Variants in PRSS12 observed in about 807,000 individuals in gnomAD.
PRSS12 encodes neurotrypsin.
Under a neutral mutation model 104.4 loss-of-function variants are expected in PRSS12, and 85 were observed. That is an observed-to-expected ratio of 0.81 (90% CI 0.68 to 0.98). The LOEUF is 0.98. Among genes scored for constraint, PRSS12 ranks in the 50% least tolerant of loss-of-function variants. The probability of loss-of-function intolerance (pLI) is 0.00; values close to 1 mark genes in which losing one functional copy is unlikely to be tolerated. For missense variants in PRSS12, 1,141 were observed against 1,139.2 expected (o/e 1.00, Z -0.02); for synonymous variants, 454 against 425.2 (o/e 1.07, Z -0.83).
rs879540796 is a variant in PRSS12 at position 118,352,909 on chromosome 4, C to T, written c.-189G>A. 2.9e-6 allele frequency: 4 copies of T among 1,366,666 alleles called. No homozygotes were observed. The highest frequency in any genetic ancestry group is 3.8e-6 in the Non-Finnish European group (4 of 1,058,744). 84.7% of individuals were successfully genotyped at this position (1,366,666 alleles called of 1,614,324 possible). A position where few individuals can be genotyped will look rare whatever the true frequency, so the allele number is the denominator to read the frequency against. ...CTGGTGCCCTGCCGCGCCTCGGCTC[C>T]TGTCCCCTGGCGGCGGCCGCGGGTG... On this transcript the variant is annotated 5_prime_UTR_variant, in exon 1 of 13. Transcript: ENST00000296498.
At chr4:118,313,541 T>C in intron 6 of PRSS12, 144 bp from the exon 7 acceptor site, 1 of 867,606 alleles carries the variant, frequency 1.2e-6, no homozygotes, top group Non-Finnish European at 1.9e-6. Context: ...GGGGACGCAG[T>C]TTAGAGCTAT....
chr4:118,336,752 C>T (rs1724073902), intron 2 of PRSS12, among the ~76,000 whole-genome samples: 2 of 152,144 alleles, frequency 1.3e-5, no homozygotes, highest in African/African-American at 4.8e-5. Context: ...TTATTCCTTT[C>T]TGATTTTCCG....
chr4:118,337,184 T>C (rs1241939195), intron 2 of PRSS12, among the ~76,000 whole-genome samples: 1 of 152,198 alleles, frequency 6.6e-6, no homozygotes, highest in Non-Finnish European at 1.5e-5. Context: ...ACTTCTTCAT[T>C]TTGTGTCATC....
intron 11 of PRSS12, among the ~76,000 whole-genome samples, chr4:118,287,142 C>G (rs1179913358): frequency 6.6e-6 from 1 of 152,078 alleles, no homozygotes; most frequent in Non-Finnish European, 1.5e-5. Context: ...CACACACACA[C>G]ACATCTTTTT....
chr4:118,314,886 T>C (rs1743864932), intron 6 of PRSS12, among the ~76,000 whole-genome samples: 1 of 152,078 alleles, frequency 6.6e-6, no homozygotes, highest in Non-Finnish European at 1.5e-5. Context: ...AGAAATGACA[T>C]GATTTTATGA....
chr4:118,335,238 A>T (rs1031311416), intron 3 of PRSS12, among the ~76,000 whole-genome samples: 2 of 152,028 alleles, frequency 1.3e-5, no homozygotes, highest in Non-Finnish European at 2.9e-5. Flanking sequence ...TATTTAAGCA[A>T]ATTATATAAA....
At position 118,352,672 on chromosome 4, in the gene PRSS12, C is replaced by T. The variant is rs1252299999; in HGVS notation, c.49G>A (p.Glu17Lys). The change falls in exon 1 of 13, where the codon GAA (glutamate) becomes AAA (lysine). Residue 17 changes from glutamate (E) to lysine (K), a missense_variant. Transcript: ENST00000296498. ...AGGACAGAATCAAAGCCGACCACTT[C>T]GGGGAGCGCCCCTAACATCAGGGCT... ...VLALMLGALP[E>K]VVGFDSVLND... 10 of 1,612,986 alleles carry T rather than the reference C, an allele frequency of 6.2e-6. No homozygotes were observed. The highest frequency in any genetic ancestry group is 1.6e-4 in the Middle Eastern group (1 of 6,082).
intron 11 of PRSS12, among the ~76,000 whole-genome samples, chr4:118,286,963 C>A (rs1401213571): frequency 6.6e-6 from 1 of 152,184 alleles, no homozygotes; most frequent in Non-Finnish European, 1.5e-5. Flanking sequence ...TCCATACATA[C>A]ACTGTGTTCC....
chr4:118,284,374 A>G (rs1280593871), intron 11 of PRSS12, among the ~76,000 whole-genome samples: 1 of 152,214 alleles, frequency 6.6e-6, no homozygotes, highest in Non-Finnish European at 1.5e-5. Context: ...TCTTTTTCAC[A>G]GAAGACTAGA....
At chr4:118,315,458 G>C (rs1743881069) in intron 6 of PRSS12, among the ~76,000 whole-genome samples, 1 of 152,028 alleles carries the variant, frequency 6.6e-6, no homozygotes. Context: ...CTCTAATCAA[G>C]CTAAAATGAA....
chr4:118,294,935 A>G lies in PRSS12; in HGVS notation c.2039+4T>C. 6.2e-7 allele frequency: 1 copy of G among 1,614,014 alleles called. No homozygotes were observed. Among genetic ancestry groups the G allele is most frequent in the Non-Finnish European group, 8.5e-7 (1 of 1,179,978 alleles). ...CTAGGTTGTTTGGGAAGGTGGACAC[A>G]TACCTCTTGAAACAGTGTGCTGCTG... is the stretch of plus-strand genomic sequence containing the variant. On this transcript the variant is annotated splice_donor_region_variant and intron_variant, in intron 11 of 12. Transcript: ENST00000296498.
intron 8 of PRSS12, among the ~76,000 whole-genome samples, chr4:118,301,961 T>C (rs990805316): frequency 5.3e-5 from 8 of 152,186 alleles, no homozygotes; most frequent in Non-Finnish European, 1.2e-4. Flanking sequence ...CTCCAGACAA[T>C]GCTATCATTG....
In PRSS12 at chr4:118,331,755, T is replaced by C. The variant is rs1723923967; in HGVS notation, c.932A>G (p.Asp311Gly). ...CCTGCAGATCACTTCTGCATCGGCA[T>C]CATCCCATTGGTCATCACAAACGGT... ...WGTVCDDQWD[D>G]ADAEVICRQL... The change falls in exon 4 of 13, where the codon GAT (aspartate) becomes GGT (glycine). Residue 311 changes from aspartate (D) to glycine (G), a missense_variant. Coordinates refer to ENST00000296498, the MANE Select transcript of PRSS12 (RefSeq NM_003619.4). 1 of 1,614,050 alleles carries C rather than the reference T, an allele frequency of 6.2e-7. No homozygotes were observed. The highest frequency in any genetic ancestry group is 1.7e-5 in the Admixed American group (1 of 59,994).
At chr4:118,308,180 C>G (rs1743605297) in intron 8 of PRSS12, among the ~76,000 whole-genome samples, 1 of 152,256 alleles carries the variant, frequency 6.6e-6, no homozygotes, top group East Asian at 1.9e-4. Flanking sequence ...TATGACTAGT[C>G]AGAGTTATTA....
At chr4:118,287,138 C>G (rs1300768745) in intron 11 of PRSS12, among the ~76,000 whole-genome samples, 2 of 152,078 alleles carry the variant, frequency 1.3e-5, no homozygotes, top group African/African-American at 4.8e-5. Context: ...AATACACACA[C>G]ACACACATCT....
At chr4:118,324,742 A>G (rs1723721448) in intron 4 of PRSS12, among the ~76,000 whole-genome samples, 1 of 152,008 alleles carries the variant, frequency 6.6e-6, no homozygotes, top group East Asian at 1.9e-4. Flanking sequence ...TTGAAGACAG[A>G]GTCTCTGTCG....
intron 8 of PRSS12, among the ~76,000 whole-genome samples, chr4:118,304,897 C>T (rs569538997): frequency 1.3e-5 from 2 of 151,224 alleles, no homozygotes; most frequent in Non-Finnish European, 1.5e-5. Flanking sequence ...CTCAGTATTT[C>T]CAAGGACTAA....
At chr4:118,314,652 GAAGCAAAT>G (rs1743856632) in intron 6 of PRSS12, among the ~76,000 whole-genome samples, 1 of 151,974 alleles carries the variant, frequency 6.6e-6, no homozygotes, top group Non-Finnish European at 1.5e-5. Flanking sequence ...TTGTAAACTA[GAAGCAAAT>G]GTAACACATG....
At position 118,352,612 on chromosome 4, in the gene PRSS12, G is replaced by A. The variant is rs1240764126; in HGVS notation, c.109C>T (p.Pro37Ser). Residue 37 changes from proline (P) to serine (S), a missense_variant, in exon 1 of 13, where the codon CCC becomes TCC. Physicochemically the swap from Pro to Ser is moderately conservative, Grantham distance 74. Transcript: ENST00000296498. ...TAGGGGTAGTGCGGACCCGCAGGGG[G>A]CGAATGGCGGTGGCTGTGGTGGAGG... Reference protein sequence around the residue: ...DSLHHSHRHSPPAGPHYPYYL... With the variant: ...DSLHHSHRHSSPAGPHYPYYL... The A allele has an allele frequency of 1.2e-6, 2 of 1,611,072 alleles. No individual in the cohort carries two copies. The highest frequency in any genetic ancestry group is 2.7e-5 in the African/African-American group (2 of 74,878).
Sources: gnomAD v4.1 joint callset for allele counts (sites outside exome capture counted in the v4.1 genomes callset) on GRCh38, gnomAD v4.1.1 for gene constraint, MANE v1.5 for transcripts, NCBI Gene and HGNC (gene_info 2026-07-23, HGNC 2026-07-21) for gene names.